Variants in ZNF599 observed in about 807,000 individuals in gnomAD.
ZNF599 encodes zinc finger protein 599.
A neutral mutation model predicts 11.7 loss-of-function variants in ZNF599; 10 were observed. The observed-to-expected ratio is 0.86, with a 90% confidence interval of 0.53 to 1.45. The LOEUF (loss-of-function observed/expected upper bound fraction) is 1.45, where lower values mean the gene tolerates loss of function less well. Among genes scored for constraint, ZNF599 ranks in the 40% most tolerant of loss-of-function variants. The probability of loss-of-function intolerance (pLI) is 0.00; values close to 1 mark genes in which losing one functional copy is unlikely to be tolerated. For synonymous variants in ZNF599, 232 were observed against 253.2 expected (o/e 0.92, Z 0.79); for missense variants, 688 against 713.6 (o/e 0.96, Z 0.41).
the ZNF599 span, among the ~76,000 whole-genome samples, chr19:34,807,345 T>C: frequency 2.6e-5 from 4 of 152,018 alleles, no homozygotes; most frequent in African/African-American, 9.7e-5. Flanking sequence ...TGCGAGCCTG[T>C]GGGTGAATGG....
chr19:34,767,664 G>A (rs1433756304), intron 2 of ZNF599, among the ~76,000 whole-genome samples: 1 of 152,220 alleles, frequency 6.6e-6, no homozygotes, highest in East Asian at 1.9e-4. Context: ...GAAGGACTGA[G>A]TGCTGGTAGT....
At chr19:34,777,422 TTAATATA>T (rs1305950330), upstream of ZNF599, among the ~76,000 whole-genome samples, 1 of 95,218 alleles carries the variant, frequency 1.1e-5, no homozygotes, top group Non-Finnish European at 1.9e-5. Context: ...TATATATTAA[TTAATATA>T]TAATATATGA....
rs77850895 is a variant in ZNF599 at position 34,766,472 on chromosome 19, C to G, written c.241+844G>C. Among the ~76,000 whole-genome samples, 548 of 152,308 alleles carry G rather than the reference C, an allele frequency of 3.6e-3. 16 individuals carry two copies. In the East Asian group the frequency reaches 0.096, roughly 27 times the overall value. On this transcript the variant is annotated intron_variant, in intron 3 of 3. Coordinates refer to ENST00000329285, the MANE Select transcript of ZNF599 (RefSeq NM_001007248.3). ...TAGTAATCTGCAGGAAAAGAAAGGA[C>G]TGTCTTCTGAATGCAGAAGAATGTC...
the ZNF599 span, among the ~76,000 whole-genome samples, chr19:34,789,189 A>G: frequency 2.6e-5 from 4 of 152,034 alleles, no homozygotes; most frequent in African/African-American, 9.7e-5. Context: ...TGCCTGGCTT[A>G]TTTCACTTAA....
chr19:34,766,460 G>C (rs2069144104), intron 3 of ZNF599, among the ~76,000 whole-genome samples: 1 of 152,214 alleles, frequency 6.6e-6, no homozygotes, highest in African/African-American at 2.4e-5. Flanking sequence ...TAATCTGCAG[G>C]AAAAGAAAGG....
the ZNF599 span, among the ~76,000 whole-genome samples, chr19:34,780,506 G>GAA: frequency 2.0e-5 from 3 of 150,806 alleles, no homozygotes; most frequent in African/African-American, 7.3e-5. Flanking sequence ...GCAAGAAAGA[G>GAA]AAGAGAAGAG....
the ZNF599 span, among the ~76,000 whole-genome samples, chr19:34,803,731 A>G: frequency 6.6e-6 from 1 of 152,040 alleles, no homozygotes; most frequent in Non-Finnish European, 1.5e-5. Context: ...GCAGGGCCCC[A>G]CCCCTTCTTG....
chr19:34,793,243 G>A, the ZNF599 span, among the ~76,000 whole-genome samples: 1 of 152,126 alleles, frequency 6.6e-6, no homozygotes, highest in South Asian at 2.1e-4. Flanking sequence ...AAATGTTATT[G>A]TTCTCTTTGG....
chr19:34,777,401 AT>A (rs1408473708), upstream of ZNF599, among the ~76,000 whole-genome samples: 2 of 88,176 alleles, frequency 2.3e-5, no homozygotes, highest in East Asian at 2.8e-4. Context: ...TATAATATAT[AT>A]TATATATAAT....
At chr19:34,777,985 AG>A (rs888782104), upstream of ZNF599, among the ~76,000 whole-genome samples, 3 of 152,026 alleles carry the variant, frequency 2.0e-5, no homozygotes, top group Admixed American at 1.3e-4. Context: ...CTACAGTAAA[AG>A]GGGGGGAGGG....
At chr19:34,802,242 G>A in the ZNF599 span, among the ~76,000 whole-genome samples, 3 of 152,192 alleles carry the variant, frequency 2.0e-5, no homozygotes, top group Non-Finnish European at 2.9e-5. Context: ...GTCAGACTGA[G>A]GAAGCAGCTG....
At chr19:34,787,470 T>A in the ZNF599 span, among the ~76,000 whole-genome samples, 1 of 152,216 alleles carries the variant, frequency 6.6e-6, no homozygotes, top group East Asian at 1.9e-4. Context: ...TAAAAATAGA[T>A]CATGCAGGAG....
In ZNF599 at chr19:34,758,728, T is replaced by C. The variant is rs1455376177; in HGVS notation, c.*306A>G. The C allele has an allele frequency of 3.2e-5, 8 of 248,686 alleles. No individual in the cohort carries two copies. In the East Asian group the frequency reaches 5.4e-4, roughly 17 times the overall value. 15.4% of individuals were successfully genotyped at this position (248,686 alleles called of 1,614,324 possible). On this transcript the variant is annotated 3_prime_UTR_variant, in exon 4 of 4. Coordinates refer to ENST00000329285, the MANE Select transcript of ZNF599 (RefSeq NM_001007248.3). The stretch of plus-strand genomic sequence containing the variant: ...ATTTATAGTATTAATAAGAGGAAAG[T>C]TGTTCCTGACATTTTACCTAAATGC...
upstream of ZNF599, among the ~76,000 whole-genome samples, chr19:34,778,144 T>C (rs1746816348): frequency 6.6e-6 from 1 of 152,044 alleles, no homozygotes. Flanking sequence ...GACACCTCAA[T>C]AGAGCTGTTA....
the ZNF599 span, among the ~76,000 whole-genome samples, chr19:34,778,321 AT>A: frequency 6.0e-5 from 9 of 150,514 alleles, no homozygotes; most frequent in African/African-American, 1.5e-4. Context: ...ATAATAAAAA[AT>A]ATATATATAT....
chr19:34,784,453 G>A, the ZNF599 span, among the ~76,000 whole-genome samples: 1 of 152,158 alleles, frequency 6.6e-6, no homozygotes, highest in Admixed American at 6.5e-5. Context: ...ATTTTGGGGG[G>A]AATACAACTC....
At chr19:34,762,570 A>C (rs2069119593) in intron 3 of ZNF599, among the ~76,000 whole-genome samples, 1 of 152,350 alleles carries the variant, frequency 6.6e-6, no homozygotes, top group South Asian at 2.1e-4. Flanking sequence ...ATAACAAAAA[A>C]CAATAAGCAA....
chr19:34,769,186 G>A (rs913628106), intron 2 of ZNF599, among the ~76,000 whole-genome samples: 5 of 152,314 alleles, frequency 3.3e-5, no homozygotes, highest in African/African-American at 9.6e-5. Context: ...GGATAAAGAT[G>A]TCAGACTGAG....
the ZNF599 span, among the ~76,000 whole-genome samples, chr19:34,780,407 G>C: frequency 6.6e-6 from 1 of 152,072 alleles, no homozygotes; most frequent in Non-Finnish European, 1.5e-5. Flanking sequence ...TACTTGGGAG[G>C]CTGAGGTGGG....
Sources: allele counts gnomAD v4.1 joint callset (sites outside exome capture counted in the v4.1 genomes callset), GRCh38; gene constraint gnomAD v4.1.1; transcripts MANE v1.5; gene names NCBI Gene and HGNC (gene_info 2026-07-23, HGNC 2026-07-21).